OTUD7A: variants seen among roughly 807,000 people sequenced by gnomAD.
The protein encoded by OTUD7A is OTU deubiquitinase 7A.
OTUD7A carries 12 observed loss-of-function variants against 65.7 expected under a neutral mutation model. The ratio of observed to expected loss-of-function variants is 0.18; its 90% CI spans 0.12 to 0.30. The LOEUF (loss-of-function observed/expected upper bound fraction) is 0.30. Among genes scored for constraint, OTUD7A ranks in the 10% least tolerant of loss-of-function variants. The pLI, the probability that OTUD7A is intolerant of heterozygous loss-of-function variation, is 1.00. For synonymous variants in OTUD7A, 641 were observed against 586.3 expected (o/e 1.09, Z -1.35); for missense variants, 1,148 against 1,304.8 (o/e 0.88, Z 1.85).
chr15:31,586,288 T>C (rs74012551), intron 3 of OTUD7A, among the ~76,000 whole-genome samples: 1 of 152,266 alleles, frequency 6.6e-6, no homozygotes, highest in Admixed American at 6.5e-5. Flanking sequence ...GAATTTACCC[T>C]GAATTTAAAT....
At chr15:31,767,881 C>T (rs1895131000) in intron 1 of OTUD7A, 3 of 1,354,192 alleles carry the variant, frequency 2.2e-6, no homozygotes, top group Non-Finnish European at 3.2e-6. Context: ...TTTTAAGTGG[C>T]AACGTTGCAG....
intron 5 of OTUD7A, chr15:31,558,518 G>A (rs1043389707): frequency 5.5e-6 from 1 of 182,592 alleles, no homozygotes; most frequent in Non-Finnish European, 1.2e-5. Context: ...CGGGTCAGCA[G>A]TCTCCTCATC....
intron 3 of OTUD7A, among the ~76,000 whole-genome samples, chr15:31,581,571 C>G (rs2141184891): frequency 6.6e-6 from 1 of 152,342 alleles, no homozygotes; most frequent in African/African-American, 2.4e-5. Context: ...CACTTCTTGA[C>G]TTCTGTGCAC....
At chr15:31,801,073 A>G (rs930555265) in intron 1 of OTUD7A, among the ~76,000 whole-genome samples, 8 of 150,354 alleles carry the variant, frequency 5.3e-5, no homozygotes, top group African/African-American at 1.5e-4. Context: ...AAAAAAAAAA[A>G]GCAGAATCAG....
chr15:31,776,691 C>T (rs1296568517), intron 1 of OTUD7A, among the ~76,000 whole-genome samples: 1 of 152,284 alleles, frequency 6.6e-6, no homozygotes, highest in African/African-American at 2.4e-5. Context: ...GTGTCAACAG[C>T]TTTGCAGTGT....
intron 1 of OTUD7A, among the ~76,000 whole-genome samples, chr15:31,687,107 GAA>G (rs11302415): frequency 0.13 from 19,225 of 146,408 alleles, 1,548 homozygotes; most frequent in East Asian, 0.44. Flanking sequence ...GATTTAAATA[GAA>G]AAAAAAAAAA....
intron 9 of OTUD7A, 88 bp from the exon 10 acceptor site, chr15:31,501,927 C>CG (rs752761957): frequency 9.2e-6 from 13 of 1,409,408 alleles, no homozygotes; most frequent in African/African-American, 7.2e-5. Flanking sequence ...CTCACTACCC[C>CG]GGGGGGACTC....
At chr15:31,566,421 TA>T (rs1888876762) in intron 4 of OTUD7A, among the ~76,000 whole-genome samples, 1 of 151,982 alleles carries the variant, frequency 6.6e-6, no homozygotes, top group African/African-American at 2.4e-5. Flanking sequence ...AACAAATTGA[TA>T]AGAAAAGACA....
chr15:31,627,168 C>T (rs1031789336), intron 3 of OTUD7A, among the ~76,000 whole-genome samples: 1 of 151,848 alleles, frequency 6.6e-6, no homozygotes, highest in African/African-American at 2.4e-5. Flanking sequence ...TATGCATGTG[C>T]CATGCTGGTG....
intron 1 of OTUD7A, among the ~76,000 whole-genome samples, chr15:31,802,137 G>GTATATA (rs1411006294): frequency 2.6e-3 from 342 of 131,830 alleles, no homozygotes; most frequent in African/African-American, 9.2e-3. Context: ...GTGTGTGTGT[G>GTATATA]TGTGTATATA....
chr15:31,780,954 A>G lies in OTUD7A; in HGVS notation c.-100+89553T>C, dbSNP rs772355017. Among the ~76,000 whole-genome samples, 49 of 152,222 alleles carry G rather than the reference A, an allele frequency of 3.2e-4. 1 individual carries two copies. The highest frequency in any genetic ancestry group is 5.1e-4 in the Non-Finnish European group (35 of 68,036). ...TATTCTTGATGTACTGAGCAGTTAT[A>G]TTTTGTATGGCAAATTTAGAAAGTG... On this transcript the variant is annotated intron_variant, in intron 1 of 12. Coordinates refer to ENST00000307050, the MANE Select transcript of OTUD7A (RefSeq NM_001382637.1).
chr15:31,836,795 T>C (rs1373052675), intron 1 of OTUD7A, among the ~76,000 whole-genome samples: 1 of 152,196 alleles, frequency 6.6e-6, no homozygotes, highest in Non-Finnish European at 1.5e-5. Context: ...ATCCAACATA[T>C]GTGCATGATA....
chr15:31,677,533 T>TGTTCTCATGATAATGAGTGA (rs1226605974), intron 1 of OTUD7A, among the ~76,000 whole-genome samples: 5 of 152,156 alleles, frequency 3.3e-5, no homozygotes. Flanking sequence ...TCCCCCATGC[T>TGTTCTCATGATAATGAGTGA]GTTCTCATGA....
At chr15:31,818,217 G>A (rs11631106) in intron 1 of OTUD7A, among the ~76,000 whole-genome samples, 88,215 of 152,052 alleles carry the variant, frequency 0.58, 26,073 homozygotes, top group East Asian at 0.69. Flanking sequence ...AAGTGATTTT[G>A]TTATAGCAGT....
At chr15:31,680,170 T>C (rs535965577) in intron 1 of OTUD7A, among the ~76,000 whole-genome samples, 80 of 152,216 alleles carry the variant, frequency 5.3e-4, no homozygotes, top group African/African-American at 1.6e-3. Context: ...GTTTTTAACA[T>C]TGCTAGTAGG....
chr15:31,738,170 T>C (rs1386282932), intron 1 of OTUD7A, among the ~76,000 whole-genome samples: 2 of 151,596 alleles, frequency 1.3e-5, no homozygotes, highest in South Asian at 2.1e-4. Flanking sequence ...ATTAGTTAAA[T>C]AGGAGACAGC....
intron 1 of OTUD7A, among the ~76,000 whole-genome samples, chr15:31,718,934 G>A (rs898269625): frequency 1.3e-5 from 2 of 150,214 alleles, no homozygotes; most frequent in African/African-American, 2.4e-5. Context: ...TAAACCCTCT[G>A]ACTTTATATA....
At chr15:31,647,910 C>T (rs201941923) in intron 3 of OTUD7A, among the ~76,000 whole-genome samples, 33,445 of 148,524 alleles carry the variant, frequency 0.23, 4,782 homozygotes, top group East Asian at 0.64. Context: ...GAGCAATGGG[C>T]GGAGGCAGAA....
rs1240664889 is a variant in OTUD7A at position 31,477,299 on chromosome 15, T to C, written c.*5995A>G. 1 of 152,240 alleles carries C rather than the reference T, an allele frequency of 6.6e-6. No individual in the cohort carries two copies. The highest frequency in any genetic ancestry group is 2.4e-5 in the African/African-American group (1 of 41,418). 9.4% of individuals were successfully genotyped at this position (152,240 alleles called of 1,614,324 possible). A position where few individuals can be genotyped will look rare whatever the true frequency, so the allele number is the denominator to read the frequency against. ...GAAGGACTGGGAGACACCTAAAGAC[T>C]GATTACAAAGGATTCTCTGGAATGG... is the stretch of plus-strand genomic sequence containing the variant. On this transcript the variant is annotated 3_prime_UTR_variant, in exon 13 of 13. Coordinates refer to ENST00000307050, the MANE Select transcript of OTUD7A (RefSeq NM_001382637.1).
Sources: gnomAD v4.1 joint callset for allele counts (sites outside exome capture counted in the v4.1 genomes callset) on GRCh38, gnomAD v4.1.1 for gene constraint, MANE v1.5 for transcripts, NCBI Gene and HGNC (gene_info 2026-07-23, HGNC 2026-07-21) for gene names.